Variants in RAD21L1 observed in about 807,000 individuals in gnomAD.
RAD21L1 encodes the protein RAD21 cohesin complex component like 1, also known as double-strand-break repair protein rad21-like protein 1.
RAD21L1 carries 47 observed loss-of-function variants against 69.0 expected under a neutral mutation model. The observed-to-expected ratio is 0.68, with a 90% CI of 0.54 to 0.87. RAD21L1 has a LOEUF of 0.87. Ranked by LOEUF, RAD21L1 falls within the 40% of genes least tolerant of loss-of-function variation. RAD21L1 has a pLI of 0.00. For synonymous variants in RAD21L1, 177 were observed against 205.8 expected, an observed-to-expected ratio of 0.86 and a Z score of 1.20; for missense variants, 583 against 647.6, an observed-to-expected ratio of 0.90 and a Z score of 1.08.
rs569088830 is a variant in RAD21L1 at position 1,241,824 on chromosome 20, A to G, written c.857-795A>G. Among the ~76,000 whole-genome samples the G allele has an allele frequency of 9.8e-5, 15 of 152,314 alleles. No individual in the cohort carries two copies. In the South Asian group the frequency reaches 1.0e-3, roughly 11 times the overall value. The stretch of plus-strand genomic sequence containing the variant: ...TCCATTTGATCTTGGATCTTTATCA[A>G]TCCTGAGAAATCTAACCCTCTCTCC... On this transcript the variant is annotated intron_variant, in intron 8 of 13. Transcript: ENST00000683101.
chr20:1,246,237 GC>G lies in RAD21L1; in HGVS notation c.1334del (p.Ala445ValfsTer7), dbSNP rs1320762506. 6.5e-7 allele frequency: 1 copy of G among 1,539,992 alleles called. No individual in the cohort carries two copies. The highest frequency in any genetic ancestry group is 8.8e-7 in the Non-Finnish European group (1 of 1,142,496). Reference protein sequence around the residue: ...SEDIVEMVSLAAEESSLMNDL... With the variant: ...SEDIVEMVSLXAEESSLMNDL... Reference sequence around the variant, plus strand: ...GGATATTGTTGAAATGGTGTCTTTAGCTGCTGAGGAATCATCTTTAATGAAT... The same window carrying G: ...GGATATTGTTGAAATGGTGTCTTTAGTGCTGAGGAATCATCTTTAATGAAT... On this transcript the variant is annotated frameshift_variant, in exon 12 of 14. Coordinates refer to ENST00000683101, the MANE Select transcript of RAD21L1 (RefSeq NM_001384355.1). LOFTEE classifies it high-confidence loss of function. This position sits in a 1 kb window ranked among gnomAD's most constrained non-coding sequence, Gnocchi z 4.6.
Position 1,240,385 on chromosome 20 carries a change from A to G in RAD21L1, c.807A>G (p.Leu269=). Residue 269 remains leucine (L), a synonymous_variant, in exon 8 of 14, where the codon TTA becomes TTG. Transcript: ENST00000683101. ...ATGAAAAAATGAATGAAACAATATT[A>G]TTATCAACTGAAGAGGAAGGATTTA... The part of the protein sequence containing the change: ...PENEKMNETI[L]LSTEEEGFTL... 1.3e-6 allele frequency: 2 copies of G among 1,550,014 alleles called. No homozygotes were observed. The highest frequency in any genetic ancestry group is 1.7e-6 in the Non-Finnish European group (2 of 1,146,226).
rs1157970981 is a variant in RAD21L1, at chr20:1,255,531, T to C, written c.*1074T>C. On this transcript the variant is annotated 3_prime_UTR_variant, in exon 14 of 14. Transcript: ENST00000683101. ...ATTCTAAATAGCCTCTCTAAATGTGTTAACTATAAATTTTAAATGGCAAAA... is the reference window on the plus strand; with the variant it reads ...ATTCTAAATAGCCTCTCTAAATGTGCTAACTATAAATTTTAAATGGCAAAA... 6.6e-6 allele frequency among the ~76,000 whole-genome samples: 1 copy of C among 152,240 alleles called. No individual in the cohort carries two copies. Among genetic ancestry groups the C allele is most frequent in the East Asian group, 1.9e-4 (1 of 5,202 alleles).
intron 8 of RAD21L1, among the ~76,000 whole-genome samples, chr20:1,241,652 A>G (rs754055424): frequency 6.6e-6 from 1 of 152,190 alleles, no homozygotes; most frequent in Non-Finnish European, 1.5e-5. Context: ...ACCTCTGGTT[A>G]TCAGCTATAC....
At position 1,243,089 on chromosome 20, in the gene RAD21L1, T is replaced by C; in HGVS notation, c.1084-8T>C. 1 of 1,496,604 alleles carries C rather than the reference T, an allele frequency of 6.7e-7. No individual in the cohort carries two copies. Among genetic ancestry groups the C allele is most frequent in the Non-Finnish European group, 8.9e-7 (1 of 1,117,464 alleles). The allele number at this position is 1,496,604 out of a possible 1,614,324, so 92.7% of individuals were successfully genotyped here. A position where few individuals can be genotyped will look rare whatever the true frequency, so the allele number is the denominator to read the frequency against. ...AAACAAAAAAAACAAAAATGTGTAT[T>C]TTTACAGTTGTTTACAAAATGCTTT... On this transcript the variant is annotated splice_polypyrimidine_tract_variant and splice_region_variant and intron_variant, in intron 9 of 13. Transcript: ENST00000683101.
intron 2 of RAD21L1, among the ~76,000 whole-genome samples, chr20:1,228,826 G>C (rs943221255): frequency 6.6e-6 from 1 of 152,126 alleles, no homozygotes; most frequent in African/African-American, 2.4e-5. Context: ...AGGGACAAAG[G>C]CCATATTTTA....
At chr20:1,227,416 T>C (rs2087288194) in intron 1 of RAD21L1, among the ~76,000 whole-genome samples, 1 of 152,248 alleles carries the variant, frequency 6.6e-6, no homozygotes, top group African/African-American at 2.4e-5. Flanking sequence ...TGGGGCATAA[T>C]GATTGAATTC....
chr20:1,229,067 A>G (rs2087329969), intron 2 of RAD21L1, among the ~76,000 whole-genome samples: 1 of 152,232 alleles, frequency 6.6e-6, no homozygotes, highest in South Asian at 2.1e-4. Context: ...GTTTTAAGTT[A>G]AGTATTTTTC....
chr20:1,227,026 C>A (rs962606336), intron 1 of RAD21L1, among the ~76,000 whole-genome samples: 63 of 152,314 alleles, frequency 4.1e-4, no homozygotes, highest in African/African-American at 1.4e-3. Flanking sequence ...TCTCCTGCCT[C>A]AGCCTCCCAA....
Position 1,254,318 on chromosome 20 carries a change from G to C in RAD21L1, c.1529G>C (p.Arg510Thr). 6.4e-7 allele frequency: 1 copy of C among 1,551,184 alleles called. No individual in the cohort carries two copies. Among genetic ancestry groups the C allele is most frequent in the Non-Finnish European group, 8.7e-7 (1 of 1,146,776 alleles). ...TCCTTTAGTCTGATGAAGCTCTGTA[G>C]AAATAGTGACCGAAAACAAGCAGCT... ...MQSFSLMKLCRNSDRKQAAAK... is the reference protein window; with the variant it reads ...MQSFSLMKLCTNSDRKQAAAK... Residue 510 changes from arginine (R) to threonine (T), a missense_variant, in exon 14 of 14, where the codon AGA becomes ACA. Transcript: ENST00000683101.
At position 1,254,336 on chromosome 20, in the gene RAD21L1, A is replaced by G. The variant is rs762934827; in HGVS notation, c.1547A>G (p.Gln516Arg). 6.4e-7 allele frequency: 1 copy of G among 1,551,272 alleles called. No individual in the cohort carries two copies. Among genetic ancestry groups the G allele is most frequent in the Admixed American group, 2.0e-5 (1 of 50,972 alleles). Residue 516 changes from glutamine (Q) to arginine (R), a missense_variant, in exon 14 of 14, where the codon CAA (glutamine) becomes CGA (arginine). Transcript: ENST00000683101. ...MKLCRNSDRK[Q>R]AAAKFYSFLV... ...CTCTGTAGAAATAGTGACCGAAAACAAGCAGCTGCCAAATTTTATAGCTTT... is the reference window on the plus strand; with the variant it reads ...CTCTGTAGAAATAGTGACCGAAAACGAGCAGCTGCCAAATTTTATAGCTTT...
Position 1,240,301 on chromosome 20 carries a change from T to G in RAD21L1, c.743-20T>G, listed in dbSNP as rs991002808. On this transcript the variant is annotated intron_variant, in intron 7 of 13. Transcript: ENST00000683101. Reference sequence around the variant, plus strand: ...CTAACTGGTTTTTTTTACAATTACTTTTATGTGGATGTTGATTAGTTGAAC... The same window carrying G: ...CTAACTGGTTTTTTTTACAATTACTGTTATGTGGATGTTGATTAGTTGAAC... The G allele has an allele frequency of 1.3e-6, 2 of 1,522,824 alleles. No homozygotes were observed. The highest frequency in any genetic ancestry group is 1.8e-6 in the Non-Finnish European group (2 of 1,137,054). The allele number at this position is 1,522,824 out of a possible 1,614,324, so 94.3% of individuals were successfully genotyped here.
Position 1,229,946 on chromosome 20 carries a change from G to A in RAD21L1, c.211G>A (p.Ala71Thr), listed in dbSNP as rs558252175. 7.7e-6 allele frequency: 12 copies of A among 1,550,270 alleles called. No homozygotes were observed. In the South Asian group the frequency reaches 1.3e-4, roughly 17 times the overall value. The change falls in exon 3 of 14, where the codon GCA becomes ACA. Residue 71 changes from alanine to threonine, a missense_variant. Transcript: ENST00000683101. ...LGVVRIYNRK[A>T]KYLLADCSEA... ...AGTTGTTCGAATCTATAACAGGAAG[G>A]CAAAATATCTTTTGGCAGATTGCAG...
At chr20:1,230,544 C>A in intron 3 of RAD21L1, 1 of 509,634 alleles carries the variant, frequency 2.0e-6, no homozygotes, top group Non-Finnish European at 2.5e-6. Context: ...TATTTTCTAC[C>A]TTGTATTATG....
At position 1,246,236 on chromosome 20, in the gene RAD21L1, A is replaced by C. The variant is rs1311451691; in HGVS notation, c.1332A>C (p.Leu444Phe). The C allele has an allele frequency of 2.6e-6, 4 of 1,540,556 alleles. No homozygotes were observed. Among genetic ancestry groups the C allele is most frequent in the Non-Finnish European group, 8.8e-7 (1 of 1,142,674 alleles). ...NSEDIVEMVSLAAEESSLMND... is the reference protein window; with the variant it reads ...NSEDIVEMVSFAAEESSLMND... Reference sequence around the variant, plus strand: ...AGGATATTGTTGAAATGGTGTCTTTAGCTGCTGAGGAATCATCTTTAATGA... The same window carrying C: ...AGGATATTGTTGAAATGGTGTCTTTCGCTGCTGAGGAATCATCTTTAATGA... Residue 444 changes from leucine to phenylalanine, a missense_variant, in exon 12 of 14, where the codon TTA becomes TTC. Transcript: ENST00000683101. This position sits in a 1 kb window ranked among gnomAD's most constrained non-coding sequence, Gnocchi z 4.6.
intron 5 of RAD21L1, among the ~76,000 whole-genome samples, chr20:1,235,866 C>T (rs1468567889): frequency 6.6e-6 from 1 of 151,972 alleles, no homozygotes; most frequent in Admixed American, 6.6e-5. Flanking sequence ...CTCTCAGGCT[C>T]AAGCGATTCT....
In RAD21L1 at chr20:1,230,024, T is replaced by A; in HGVS notation, c.274+15T>A. The A allele has an allele frequency of 6.5e-7, 1 of 1,528,722 alleles. No individual in the cohort carries two copies. Among genetic ancestry groups the A allele is most frequent in the Admixed American group, 2.0e-5 (1 of 50,522 alleles). 94.7% of individuals were successfully genotyped at this position (1,528,722 alleles called of 1,614,324 possible). On this transcript the variant is annotated intron_variant, in intron 3 of 13. Transcript: ENST00000683101. ...ATTTTGCCCAGGTATACATGTAATATTGATTTGTCTCCTTCTTGGTTCCCT... is the reference window on the plus strand; with the variant it reads ...ATTTTGCCCAGGTATACATGTAATAATGATTTGTCTCCTTCTTGGTTCCCT...
chr20:1,254,539 G>C lies in RAD21L1; in HGVS notation c.*82G>C, dbSNP rs1396757926. On this transcript the variant is annotated 3_prime_UTR_variant, in exon 14 of 14. Transcript: ENST00000683101. ...AATTTAATGCAGAAGCCATCTGGAA[G>C]CAGCTGAAGGTCTGATCCATTTCAT... 2.1e-6 allele frequency: 2 copies of C among 934,956 alleles called. No individual in the cohort carries two copies. Among genetic ancestry groups the C allele is most frequent in the Non-Finnish European group, 3.0e-6 (2 of 666,040 alleles). 57.9% of individuals were successfully genotyped at this position (934,956 alleles called of 1,614,324 possible).
intron 13 of RAD21L1, among the ~76,000 whole-genome samples, chr20:1,251,484 A>G (rs932204304): frequency 6.7e-6 from 1 of 149,794 alleles, no homozygotes; most frequent in African/African-American, 2.5e-5. Context: ...TCTCCTTATT[A>G]TTGTTATTTT....
Sources: allele counts gnomAD v4.1 joint callset (sites outside exome capture counted in the v4.1 genomes callset), GRCh38; gene constraint gnomAD v4.1.1; non-coding constraint Gnocchi (gnomAD v3.1); transcripts MANE v1.5; gene names NCBI Gene and HGNC (gene_info 2026-07-23, HGNC 2026-07-21).